Variants in ART1 observed in about 807,000 individuals in gnomAD.
ART1 encodes ADP-ribosyltransferase 1.
Under a neutral mutation model 27.0 loss-of-function variants are expected in ART1, and 29 were observed. The observed-to-expected ratio is 1.08, with a 90% CI of 0.80 to 1.47. ART1 has a LOEUF of 1.47. ART1 is among the 40% of genes most tolerant of loss of function. The pLI, the probability that ART1 is intolerant of heterozygous loss-of-function variation, is 0.00. For missense variants in ART1, 480 were observed against 423.0 expected (o/e 1.13, Z -1.18); for synonymous variants, 201 against 172.2 (o/e 1.17, Z -1.31).
intron 1 of ART1, among the ~76,000 whole-genome samples, chr11:3,655,173 G>A (rs146696393): frequency 2.6e-5 from 4 of 152,310 alleles, no homozygotes; most frequent in Non-Finnish European, 5.9e-5. Flanking sequence ...TTCCTCACGT[G>A]TTCATTCTGG....
chr11:3,649,699 ACTAGCCCTCCCCAACCT>A (rs1477910547), intron 1 of ART1, among the ~76,000 whole-genome samples: 1 of 152,050 alleles, frequency 6.6e-6, no homozygotes, highest in African/African-American at 2.4e-5. Context: ...TCATTTCATG[ACTAGCCCTCCCCAACCT>A]GCCCAGCAAT....
chr11:3,653,847 C>T (rs2077549796), intron 1 of ART1, among the ~76,000 whole-genome samples: 3 of 85,434 alleles, frequency 3.5e-5, no homozygotes, highest in African/African-American at 5.3e-5. Flanking sequence ...TAAATTCCAC[C>T]TCCTACCTCT....
At chr11:3,646,956 G>A (rs2077473502) in intron 1 of ART1, among the ~76,000 whole-genome samples, 1 of 152,150 alleles carries the variant, frequency 6.6e-6, no homozygotes, top group Admixed American at 6.6e-5. Flanking sequence ...ACTTAAACAT[G>A]TGTAAAGAGG....
At position 3,660,169 on chromosome 11, in the gene ART1, C is replaced by T; in HGVS notation, c.650C>T (p.Thr217Ile). ...HVAAQQFGED[T>I]FFGIWTCLGA... ...GCAGCCCAGCAGTTTGGTGAGGACA[C>T]CTTCTTCGGCATCTGGACCTGCCTT... Residue 217 changes from threonine to isoleucine, a missense_variant, in exon 3 of 5, where the codon ACC becomes ATC. Transcript: ENST00000250693. 1 of 1,614,062 alleles carries T rather than the reference C, an allele frequency of 6.2e-7. No homozygotes were observed. The highest frequency in any genetic ancestry group is 8.5e-7 in the Non-Finnish European group (1 of 1,180,038).
At position 3,660,334 on chromosome 11, in the gene ART1, A is replaced by C. The variant is rs750943398; in HGVS notation, c.815A>C (p.His272Pro). The C allele has an allele frequency of 1.9e-6, 3 of 1,604,536 alleles. No individual in the cohort carries two copies. In the East Asian group the frequency reaches 6.7e-5, roughly 36 times the overall value. The part of the protein sequence containing the change: ...ARIYLRALGK[H>P]STYNCEYIKD... The stretch of plus-strand genomic sequence containing the variant: ...ATCTACCTCCGAGCCCTGGGCAAGC[A>C]CAGCACCTACAACTGCGAGTACATC... Residue 272 changes from histidine (H) to proline (P), a missense_variant, in exon 3 of 5, where the codon CAC (histidine) becomes CCC (proline). Transcript: ENST00000250693.
chr11:3,653,514 A>C (rs61878545), intron 1 of ART1, among the ~76,000 whole-genome samples: 26,676 of 149,366 alleles, frequency 0.18, 3,090 homozygotes, highest in African/African-American at 0.33. Flanking sequence ...TATAAAACGG[A>C]CCCACCCTTA....
rs1718931170 is a variant in ART1 at position 3,664,130 on chromosome 11, C to A, written c.925C>A (p.Leu309Met). 1 of 1,613,960 alleles carries A rather than the reference C, an allele frequency of 6.2e-7. No individual in the cohort carries two copies. The highest frequency in any genetic ancestry group is 1.7e-5 in the Admixed American group (1 of 60,014). Residue 309 changes from leucine to methionine, a missense_variant, in exon 5 of 5, where the codon CTG (leucine) becomes ATG (methionine). Coordinates refer to ENST00000250693, the MANE Select transcript of ART1 (RefSeq NM_004314.3). ...CCCCCTCTCTGCAGTCTGGTCTTTGCTGCTGCTGCTCTGGTTCCTCGTGGT... is the reference window on the plus strand; with the variant it reads ...CCCCCTCTCTGCAGTCTGGTCTTTGATGCTGCTGCTCTGGTTCCTCGTGGT... ...QSPLSAVWSL[L>M]LLLWFLVVRA...
intron 1 of ART1, 125 bp from the exon 2 acceptor site, chr11:3,659,037 G>T (rs2077596499): frequency 3.2e-6 from 2 of 617,248 alleles, no homozygotes; most frequent in African/African-American, 3.7e-5. Flanking sequence ...CAGCAAGAAG[G>T]GTCCTCTCTC....
intron 1 of ART1, among the ~76,000 whole-genome samples, chr11:3,652,140 C>G (rs368004987): frequency 1.3e-5 from 2 of 150,238 alleles, no homozygotes; most frequent in Non-Finnish European, 2.9e-5. Context: ...GATTTGCCCC[C>G]ACCCAGGACG....
chr11:3,649,321 A>G (rs931769810), intron 1 of ART1, among the ~76,000 whole-genome samples: 1 of 152,242 alleles, frequency 6.6e-6, no homozygotes, highest in Non-Finnish European at 1.5e-5. Flanking sequence ...CCAAATAGCC[A>G]GAAAACGGCA....
chr11:3,657,270 T>A (rs1454833771), intron 1 of ART1, among the ~76,000 whole-genome samples: 11 of 152,132 alleles, frequency 7.2e-5, no homozygotes, highest in Non-Finnish European at 1.5e-4. Flanking sequence ...TATATTACCA[T>A]TTGTGTACAG....
At chr11:3,655,113 C>G (rs1053941365) in intron 1 of ART1, among the ~76,000 whole-genome samples, 1 of 152,164 alleles carries the variant, frequency 6.6e-6, no homozygotes, top group African/African-American at 2.4e-5. Flanking sequence ...CTCAGGCCGC[C>G]GGTCTGGCTC....
intron 1 of ART1, among the ~76,000 whole-genome samples, chr11:3,653,516 C>A (rs1010444548): frequency 4.0e-5 from 6 of 151,702 alleles, no homozygotes; most frequent in South Asian, 2.1e-4. Context: ...TAAAACGGAC[C>A]CACCCTTATC....
At chr11:3,661,316 C>A in intron 3 of ART1, 56 bp from the exon 4 acceptor site, 1 of 1,535,492 alleles carries the variant, frequency 6.5e-7, no homozygotes, top group Non-Finnish European at 8.9e-7. Context: ...CTCTGAGGTC[C>A]CTTTCCATCC....
chr11:3,664,317 T>C lies in ART1; in HGVS notation c.*128T>C. The C allele has an allele frequency of 3.5e-6, 3 of 867,582 alleles. No individual in the cohort carries two copies. Among genetic ancestry groups the C allele is most frequent in the Non-Finnish European group, 5.5e-6 (3 of 547,984 alleles). The allele number at this position is 867,582 out of a possible 1,614,324, so 53.7% of individuals were successfully genotyped here. On this transcript the variant is annotated 3_prime_UTR_variant, in exon 5 of 5. Transcript: ENST00000250693. ...CAGGGAACTCTGGGACCTTCTCTGGTAGCTGCCAGACCGGCTGGTGGAGAA... is the reference window on the plus strand; with the variant it reads ...CAGGGAACTCTGGGACCTTCTCTGGCAGCTGCCAGACCGGCTGGTGGAGAA...
intron 2 of ART1, 81 bp downstream of exon 2, chr11:3,659,357 G>A (rs2077599108): frequency 6.3e-7 from 1 of 1,589,582 alleles, no homozygotes; most frequent in African/African-American, 1.3e-5. Flanking sequence ...GAGAAAGAGA[G>A]AGAGGAAAGA....
intron 1 of ART1, 23 bp from the exon 2 acceptor site, chr11:3,659,139 A>G (rs2133961815): frequency 7.2e-7 from 1 of 1,394,140 alleles, no homozygotes; most frequent in South Asian, 1.2e-5. Context: ...TAAACTATAC[A>G]GATTAACACT....
intron 4 of ART1, among the ~76,000 whole-genome samples, chr11:3,662,705 G>C (rs925098555): frequency 6.6e-5 from 10 of 152,126 alleles, no homozygotes; most frequent in African/African-American, 2.2e-4. Context: ...TTAGCCGGGC[G>C]TGGTGGCGCA....
Position 3,660,116 on chromosome 11 carries a change from C to T in ART1, c.597C>T (p.Gly199=). Residue 199 remains glycine (G), a synonymous_variant, in exon 3 of 5, where the codon GGC becomes GGT. Transcript: ENST00000250693. ...CCCGGGCCACCGTGAGGCTGGGGGG[C>T]TTTGCTTCTGCCTCCCTGAAGCATG... ...AGPRATVRLG[G]FASASLKHVA... The T allele has an allele frequency of 6.2e-7, 1 of 1,613,862 alleles. No homozygotes were observed. Among genetic ancestry groups the T allele is most frequent in the Non-Finnish European group, 8.5e-7 (1 of 1,179,982 alleles).
Sources: allele counts gnomAD v4.1 joint callset (sites outside exome capture counted in the v4.1 genomes callset), GRCh38; gene constraint gnomAD v4.1.1; transcripts MANE v1.5; gene names NCBI Gene and HGNC (gene_info 2026-07-23, HGNC 2026-07-21).